The following HMCN1 variants were observed in gnomAD, a reference collection of about 807,000 sequenced individuals.
HMCN1 encodes hemicentin-1.
HMCN1 carries 321 observed loss-of-function variants against 625.9 expected under a neutral mutation model. The observed-to-expected ratio is 0.51, with a 90% CI of 0.47 to 0.56. The LOEUF (loss-of-function observed/expected upper bound fraction) is 0.56, where lower values mean the gene tolerates loss of function less well. Among genes scored for constraint, HMCN1 ranks in the 20% least tolerant of loss-of-function variants. The probability of loss-of-function intolerance (pLI) is 0.00; values close to 1 mark genes in which losing one functional copy is unlikely to be tolerated. For synonymous variants in HMCN1, 2,425 were observed against 2,417.6 expected (o/e 1.00, Z -0.09); for missense variants, 6,588 against 6,887.3 (o/e 0.96, Z 1.54).
At position 186,152,599 on chromosome 1, in the gene HMCN1, G is replaced by A. The variant is rs535419119; in HGVS notation, c.14897-151G>A. On this transcript the variant is annotated intron_variant, in intron 95 of 106. Transcript: ENST00000271588. Reference sequence around the variant, plus strand: ...TCAATAAACCTAACTCTTTAATTGGGAGGTTAAGTGCTATTTCAGTTCTCA... The same window carrying A: ...TCAATAAACCTAACTCTTTAATTGGAAGGTTAAGTGCTATTTCAGTTCTCA... The A allele has an allele frequency of 8.3e-6, 7 of 846,384 alleles. No individual in the cohort carries two copies. In the East Asian group the frequency reaches 1.3e-4, roughly 15 times the overall value. 52.4% of individuals were successfully genotyped at this position (846,384 alleles called of 1,614,324 possible).
chr1:186,166,047 G>T, intron 98 of HMCN1, 137 bp from the exon 99 acceptor site: 1 of 840,286 alleles, frequency 1.2e-6, no homozygotes, highest in Middle Eastern at 3.2e-4. Flanking sequence ...AATTCATTTT[G>T]TGGCACTTAA....
rs1660014667 is a variant in HMCN1 at position 186,094,358 on chromosome 1, A to G, written c.10279A>G (p.Asn3427Asp). The G allele has an allele frequency of 1.2e-6, 2 of 1,612,562 alleles. No individual in the cohort carries two copies. Among genetic ancestry groups the G allele is most frequent in the Non-Finnish European group, 1.7e-6 (2 of 1,178,922 alleles). Residue 3427 changes from asparagine (N) to aspartate (D), a missense_variant, in exon 67 of 107, where the codon AAT becomes GAT. Physicochemically the swap from Asn to Asp is conservative, Grantham distance 23. Around this residue, in one of 3 missense-constraint regions of HMCN1, gnomAD observed 4,628 missense variants for 4,853.1 expected, o/e 0.95. Transcript: ENST00000271588. ...NRAGVDNKHY[N>D]LQVFAPPNMD... ...AGCTGGGGTGGATAATAAGCATTAC[A>G]ATCTTCAAGTGTTTGGTATGTGTCA...
chr1:185,818,784 T>C (rs970962500), intron 1 of HMCN1, among the ~76,000 whole-genome samples: 4 of 152,172 alleles, frequency 2.6e-5, no homozygotes, highest in African/African-American at 9.7e-5. Context: ...AAAACTTAAG[T>C]ATGGAATGTA....
intron 1 of HMCN1, among the ~76,000 whole-genome samples, chr1:185,743,535 T>A (rs1205536531): frequency 6.6e-6 from 1 of 152,232 alleles, no homozygotes; most frequent in Non-Finnish European, 1.5e-5. Flanking sequence ...CTTCCAATTT[T>A]AACTGGATTG....
At chr1:185,935,989 A>G (rs1441949541) in intron 11 of HMCN1, among the ~76,000 whole-genome samples, 1 of 152,174 alleles carries the variant, frequency 6.6e-6, no homozygotes, top group African/African-American at 2.4e-5. Flanking sequence ...AAGCAGAAAT[A>G]ACAAATAGTT....
chr1:186,132,481 T>G (rs1252880122), intron 86 of HMCN1, 72 bp downstream of exon 86: 2 of 1,223,056 alleles, frequency 1.6e-6, no homozygotes, highest in East Asian at 5.1e-5. Context: ...ATTTATTTTC[T>G]TTAACTCTAT....
At chr1:185,946,720 A>G (rs1459447383) in intron 11 of HMCN1, among the ~76,000 whole-genome samples, 2 of 152,252 alleles carry the variant, frequency 1.3e-5, no homozygotes, top group African/African-American at 4.8e-5. Flanking sequence ...TACCCAAAGA[A>G]GCTGCTAAGT....
chr1:185,835,909 A>C (rs908206544), intron 1 of HMCN1, among the ~76,000 whole-genome samples: 1 of 152,164 alleles, frequency 6.6e-6, no homozygotes, highest in African/African-American at 2.4e-5. Context: ...CATTTCACTC[A>C]ATGAAAAGGA....
intron 10 of HMCN1, among the ~76,000 whole-genome samples, chr1:185,932,260 C>T (rs1428749248): frequency 6.6e-6 from 1 of 152,076 alleles, no homozygotes; most frequent in Admixed American, 6.6e-5. Flanking sequence ...TTAGAAATAG[C>T]TTGGAAAACA....
intron 4 of HMCN1, among the ~76,000 whole-genome samples, chr1:185,888,388 G>C (rs61829894): frequency 7.7e-4 from 111 of 143,412 alleles, no homozygotes; most frequent in Non-Finnish European, 1.4e-3. Flanking sequence ...TTGCCCATGC[G>C]TATGTCCTGA....
intron 4 of HMCN1, among the ~76,000 whole-genome samples, chr1:185,887,593 C>T (rs11590429): frequency 0.34 from 49,898 of 147,278 alleles, 11,065 homozygotes; most frequent in African/African-American, 0.64. Flanking sequence ...TTACTGAGAA[C>T]GATGATTTCC....
intron 12 of HMCN1, 113 bp downstream of exon 12, chr1:185,962,772 A>G: frequency 1.4e-6 from 1 of 739,504 alleles, no homozygotes; most frequent in East Asian, 2.5e-5. Flanking sequence ...TGACCACAAT[A>G]CTTAGCTTTA....
At position 186,137,507 on chromosome 1, in the gene HMCN1, G is replaced by T. The variant is rs1225791115; in HGVS notation, c.13592G>T (p.Gly4531Val). 1 of 1,613,476 alleles carries T rather than the reference G, an allele frequency of 6.2e-7. No individual in the cohort carries two copies. The change falls in exon 88 of 107, where the codon GGA becomes GTA. Residue 4531 changes from glycine (G) to valine (V), a missense_variant. Gly to Val is a moderately radical substitution (Grantham distance 109). Coordinates refer to ENST00000271588, the MANE Select transcript of HMCN1 (RefSeq NM_031935.3). ...AATGTTTTATTTGCAGTTCATGGTG[G>T]ATTTTCCCAGTGGTCTGCATGGAGA... ...RVPVIVQVHG[G>V]FSQWSAWRAC...
chr1:185,935,490 A>G (rs1667766023), intron 11 of HMCN1, among the ~76,000 whole-genome samples: 1 of 152,134 alleles, frequency 6.6e-6, no homozygotes, highest in Non-Finnish European at 1.5e-5. Context: ...TGTATCTTTA[A>G]GGGAAGCTCT....
rs115148354 is a variant in HMCN1 at position 185,838,347 on chromosome 1, A to G, written c.269-7679A>G. On this transcript the variant is annotated intron_variant, in intron 1 of 106. Coordinates refer to ENST00000271588, the MANE Select transcript of HMCN1 (RefSeq NM_031935.3). The stretch of plus-strand genomic sequence containing the variant: ...TGCATGTAAAGCTTGCCCCACTGAG[A>G]CTTGGCCTCTGGCCTCTACTAGTGT... Among the ~76,000 whole-genome samples the G allele has an allele frequency of 9.0e-3, 1,368 of 152,250 alleles. 30 individuals are homozygous for G. Among genetic ancestry groups the G allele is most frequent in the African/African-American group, 0.032 (1,319 of 41,542 alleles).
chr1:185,803,354 A>G (rs564131895), intron 1 of HMCN1, among the ~76,000 whole-genome samples: 1 of 152,158 alleles, frequency 6.6e-6, no homozygotes, highest in East Asian at 1.9e-4. Flanking sequence ...TTATGACTAC[A>G]GTTTCATTAC....
At chr1:186,125,821 C>A (rs765383010) in intron 82 of HMCN1, 27 bp downstream of exon 82, 21 of 1,555,960 alleles carry the variant, frequency 1.3e-5, no homozygotes, top group Non-Finnish European at 1.8e-5. Flanking sequence ...TGAACAGATA[C>A]ATTAAGCCAG....
chr1:185,829,636 A>G (rs1330607321), intron 1 of HMCN1, among the ~76,000 whole-genome samples: 3 of 151,876 alleles, frequency 2.0e-5, no homozygotes, highest in African/African-American at 7.3e-5. Flanking sequence ...TATGTGCCAC[A>G]TTTTCTTTAT....
intron 97 of HMCN1, among the ~76,000 whole-genome samples, chr1:186,163,044 C>T (rs60111823): frequency 0.012 from 1,850 of 152,342 alleles, 28 homozygotes; most frequent in African/African-American, 0.043. Context: ...CGTCCTTGAG[C>T]TGTGGTGGGC....
Sources: allele counts gnomAD v4.1 joint callset (sites outside exome capture counted in the v4.1 genomes callset), GRCh38; gene constraint gnomAD v4.1.1; regional missense constraint gnomAD v4.1.1; transcripts MANE v1.5; gene names NCBI Gene and HGNC (gene_info 2026-07-23, HGNC 2026-07-21).